The following CNTN5 variants were observed in gnomAD, a reference collection of about 807,000 sequenced individuals.
CNTN5 encodes the protein contactin-5.
Under a neutral mutation model 129.1 loss-of-function variants are expected in CNTN5, and 77 were observed. The ratio of observed to expected loss-of-function variants is 0.60; its 90% CI spans 0.50 to 0.72. CNTN5 has a LOEUF of 0.72. CNTN5 is among the 30% of genes least tolerant of loss of function. The pLI is 0.00. For missense variants in CNTN5, 1,478 were observed against 1,328.8 expected (o/e 1.11, Z -1.75); for synonymous variants, 509 against 465.6 (o/e 1.09, Z -1.20).
At chr11:99,153,161 T>G (rs1007730639) in intron 1 of CNTN5, among the ~76,000 whole-genome samples, 1 of 152,206 alleles carries the variant, frequency 6.6e-6, no homozygotes, top group Non-Finnish European at 1.5e-5. Context: ...AGGGATTCTC[T>G]GCATTTCCTG....
At chr11:99,675,422 C>T (rs1179234238) in intron 3 of CNTN5, among the ~76,000 whole-genome samples, 1 of 152,106 alleles carries the variant, frequency 6.6e-6, no homozygotes, top group East Asian at 1.9e-4. Flanking sequence ...GTGGCTCACA[C>T]CTGTAATCCT....
intron 10 of CNTN5, among the ~76,000 whole-genome samples, chr11:100,063,439 G>A (rs1161861799): frequency 6.6e-6 from 1 of 151,970 alleles, no homozygotes; most frequent in East Asian, 1.9e-4. Context: ...CTGGCTACTT[G>A]GCATATATTT....
intron 3 of CNTN5, among the ~76,000 whole-genome samples, chr11:99,598,159 C>G (rs1950180869): frequency 6.6e-6 from 1 of 152,044 alleles, no homozygotes; most frequent in South Asian, 2.1e-4. Flanking sequence ...TCAAGAATAA[C>G]AATTTTTGCT....
At chr11:100,052,109 T>C (rs77974132) in intron 9 of CNTN5, among the ~76,000 whole-genome samples, 2,065 of 151,998 alleles carry the variant, frequency 0.014, 60 homozygotes, top group African/African-American at 0.048. Flanking sequence ...ATTAGTCACA[T>C]GAATGGGATA....
At chr11:99,887,078 C>T (rs1948920275) in intron 6 of CNTN5, among the ~76,000 whole-genome samples, 1 of 152,142 alleles carries the variant, frequency 6.6e-6, no homozygotes, top group South Asian at 2.1e-4. Context: ...GATTATGTTA[C>T]ATACATGATT....
rs1177500313 is a variant in CNTN5 at position 99,767,886 on chromosome 11, AT to A, written c.56-51657del. ...ATTTCTCCTATGTTTTTTATTTTAAATATTTTCAAAACAAAAAAGTAAAATG... is the reference window on the plus strand; with the variant it reads ...ATTTCTCCTATGTTTTTTATTTTAAAATTTTCAAAACAAAAAAGTAAAATG... On this transcript the variant is annotated intron_variant, in intron 3 of 24. Coordinates refer to ENST00000524871, the MANE Select transcript of CNTN5 (RefSeq NM_014361.4). Among the ~76,000 whole-genome samples, 3 of 152,202 alleles carry A rather than the reference AT, an allele frequency of 2.0e-5. No homozygotes were observed. In the East Asian group the frequency reaches 5.8e-4, roughly 29 times the overall value.
intron 1 of CNTN5, among the ~76,000 whole-genome samples, chr11:99,315,243 AGT>A (rs1411869366): frequency 1.4e-5 from 2 of 141,442 alleles, no homozygotes; most frequent in South Asian, 2.4e-4. Context: ...AGAAAAAAAA[AGT>A]ATTACAAATG....
chr11:99,684,107 T>G (rs1305789071), intron 3 of CNTN5, among the ~76,000 whole-genome samples: 1 of 151,748 alleles, frequency 6.6e-6, no homozygotes, highest in Non-Finnish European at 1.5e-5. Context: ...CCAACCCCCG[T>G]CTGGTAACCA....
intron 2 of CNTN5, among the ~76,000 whole-genome samples, chr11:99,495,529 T>C (rs1946192978): frequency 6.6e-6 from 1 of 152,206 alleles, no homozygotes; most frequent in South Asian, 2.1e-4. Context: ...TTTTCATGGC[T>C]TCTGAGTAGG....
chr11:99,804,261 C>A (rs1946200980), intron 3 of CNTN5, among the ~76,000 whole-genome samples: 1 of 152,028 alleles, frequency 6.6e-6, no homozygotes, highest in Non-Finnish European at 1.5e-5. Context: ...AAAGGAAAGT[C>A]ATTTACCAAA....
chr11:99,967,017 A>G (rs1411677298), intron 8 of CNTN5, among the ~76,000 whole-genome samples: 1 of 152,162 alleles, frequency 6.6e-6, no homozygotes. Context: ...TCCAACCCAG[A>G]TGATACATAA....
intron 1 of CNTN5, among the ~76,000 whole-genome samples, chr11:99,308,119 G>C (rs1325753392): frequency 6.6e-6 from 1 of 152,172 alleles, no homozygotes; most frequent in African/African-American, 2.4e-5. Context: ...GGATAATGGA[G>C]AACATCCAAT....
chr11:100,083,821 G>T (rs1469318114), intron 13 of CNTN5, among the ~76,000 whole-genome samples: 1 of 152,016 alleles, frequency 6.6e-6, no homozygotes, highest in Non-Finnish European at 1.5e-5. Flanking sequence ...CAAATTTAGG[G>T]TGATGGAAAA....
intron 15 of CNTN5, among the ~76,000 whole-genome samples, chr11:100,204,588 A>T (rs1222562652): frequency 6.6e-6 from 1 of 150,392 alleles, no homozygotes; most frequent in Non-Finnish European, 1.5e-5. Context: ...CCATCCTCCC[A>T]CCTCAGCCTC....
At chr11:99,822,069 T>C (rs1254065306) in intron 4 of CNTN5, among the ~76,000 whole-genome samples, 1 of 152,144 alleles carries the variant, frequency 6.6e-6, no homozygotes, top group Non-Finnish European at 1.5e-5. Context: ...CCCTTTAGCC[T>C]TAATAGAGAG....
At chr11:99,503,120 G>C (rs758049177) in intron 2 of CNTN5, among the ~76,000 whole-genome samples, 34 of 152,072 alleles carry the variant, frequency 2.2e-4, no homozygotes, top group Non-Finnish European at 4.3e-4. Context: ...TGACAAATAT[G>C]GTTCTTACTA....
chr11:99,984,882 C>G (rs1938573715), intron 8 of CNTN5, among the ~76,000 whole-genome samples: 2 of 152,214 alleles, frequency 1.3e-5, no homozygotes, highest in South Asian at 4.2e-4. Context: ...CAGGGGCGCC[C>G]CGTTTACTCG....
At chr11:99,373,706 C>T (rs1453220837) in intron 2 of CNTN5, among the ~76,000 whole-genome samples, 5 of 82,948 alleles carry the variant, frequency 6.0e-5, no homozygotes, top group Middle Eastern at 9.4e-3. Context: ...AGGAAAACTC[C>T]GTCTCAAAAA....
chr11:99,473,540 C>A (rs1945254621), intron 2 of CNTN5, among the ~76,000 whole-genome samples: 1 of 150,798 alleles, frequency 6.6e-6, no homozygotes, highest in Non-Finnish European at 1.5e-5. Flanking sequence ...ATGTTGAAAT[C>A]TTTACTGAAG....
Sources: gnomAD v4.1 joint callset for allele counts (sites outside exome capture counted in the v4.1 genomes callset) on GRCh38, gnomAD v4.1.1 for gene constraint, MANE v1.5 for transcripts, NCBI Gene and HGNC (gene_info 2026-07-23, HGNC 2026-07-21) for gene names.